The following DLG2 variants were observed in gnomAD, a reference collection of about 807,000 sequenced individuals.
The protein encoded by DLG2 is disks large homolog 2.
A neutral mutation model predicts 132.5 loss-of-function variants in DLG2; 45 were observed. The observed-to-expected ratio is 0.34, with a 90% CI of 0.27 to 0.44. DLG2 has a LOEUF of 0.44. Ranked by LOEUF, DLG2 falls within the 20% of genes least tolerant of loss-of-function variation. The pLI, the probability that DLG2 is intolerant of heterozygous loss-of-function variation, is 1.00. For synonymous variants in DLG2, 424 were observed against 419.6 expected, an observed-to-expected ratio of 1.01 and a Z score of -0.13; for missense variants, 1,045 against 1,196.9, an observed-to-expected ratio of 0.87 and a Z score of 1.87.
chr11:84,253,061 T>C (rs1011290272), intron 7 of DLG2, among the ~76,000 whole-genome samples: 1 of 152,164 alleles, frequency 6.6e-6, no homozygotes, highest in Admixed American at 6.5e-5. Context: ...GGCATACATA[T>C]GTATATAATG....
At position 85,388,477 on chromosome 11, in the gene DLG2, C is replaced by T. The variant is rs373190469; in HGVS notation, c.41-103112G>A. On this transcript the variant is annotated intron_variant, in intron 3 of 27. Coordinates refer to ENST00000376104, the MANE Select transcript of DLG2 (RefSeq NM_001142699.3). Reference sequence around the variant, plus strand: ...GGCTACCCTAGGAAAAGCTTGTGTCCTCCCTATATAATCACAGCTGATATG... The same window carrying T: ...GGCTACCCTAGGAAAAGCTTGTGTCTTCCCTATATAATCACAGCTGATATG... Among the ~76,000 whole-genome samples the T allele has an allele frequency of 1.0e-3, 157 of 152,238 alleles. 1 individual carries two copies. The South Asian group carries it at 0.014, about 14-fold the overall frequency.
intron 7 of DLG2, among the ~76,000 whole-genome samples, chr11:84,433,639 AG>A (rs1456291724): frequency 6.6e-6 from 1 of 152,256 alleles, no homozygotes; most frequent in Non-Finnish European, 1.5e-5. Context: ...TAGCTTATTT[AG>A]AAAAATGTCA....
At chr11:85,069,845 C>A (rs571420359) in intron 6 of DLG2, among the ~76,000 whole-genome samples, 52 of 152,226 alleles carry the variant, frequency 3.4e-4, no homozygotes, top group African/African-American at 1.2e-3. Context: ...TATAAAGACA[C>A]GTGCACACGT....
intron 19 of DLG2, among the ~76,000 whole-genome samples, chr11:83,617,417 GTT>G (rs2060991216): frequency 6.6e-6 from 1 of 151,910 alleles, no homozygotes; most frequent in Non-Finnish European, 1.5e-5. Context: ...GATATGTTTA[GTT>G]TTCTTATTGT....
chr11:83,858,255 T>C (rs1434488435), intron 16 of DLG2, among the ~76,000 whole-genome samples: 3 of 152,096 alleles, frequency 2.0e-5, no homozygotes, highest in Non-Finnish European at 4.4e-5. Flanking sequence ...ACAAGAAAAA[T>C]GGCTTCTTGG....
intron 3 of DLG2, among the ~76,000 whole-genome samples, chr11:85,332,798 T>G (rs888099856): frequency 2.0e-5 from 3 of 152,154 alleles, no homozygotes; most frequent in South Asian, 2.1e-4. Context: ...TTCTCTAACT[T>G]GCTCCATTGG....
chr11:85,414,854 C>T (rs1399138357), intron 3 of DLG2, among the ~76,000 whole-genome samples: 2 of 151,530 alleles, frequency 1.3e-5, no homozygotes, highest in Non-Finnish European at 3.0e-5. Flanking sequence ...TATAATGTCC[C>T]TCTTTCTCTT....
At chr11:84,559,472 G>A (rs142822697) in intron 6 of DLG2, among the ~76,000 whole-genome samples, 314 of 152,222 alleles carry the variant, frequency 2.1e-3, no homozygotes, top group African/African-American at 7.3e-3. Flanking sequence ...CTGTTGGCAC[G>A]AGAAGTTTCC....
chr11:84,365,722 C>G (rs1295938148), intron 7 of DLG2, among the ~76,000 whole-genome samples: 2 of 151,852 alleles, frequency 1.3e-5, no homozygotes, highest in South Asian at 4.1e-4. Flanking sequence ...TCTTTGTTCT[C>G]TTTGGTTTCA....
At chr11:84,817,349 C>T (rs889321667) in intron 6 of DLG2, among the ~76,000 whole-genome samples, 1 of 151,948 alleles carries the variant, frequency 6.6e-6, no homozygotes, top group Non-Finnish European at 1.5e-5. Flanking sequence ...TGTCTGTACA[C>T]CAAGGACCTA....
chr11:84,388,953 T>C (rs925361670), intron 7 of DLG2, among the ~76,000 whole-genome samples: 2 of 152,122 alleles, frequency 1.3e-5, no homozygotes, highest in Non-Finnish European at 1.5e-5. Flanking sequence ...AGCTTAGAGA[T>C]TGAGTTTGCT....
At chr11:85,082,995 T>C (rs914778118) in intron 6 of DLG2, among the ~76,000 whole-genome samples, 1 of 152,100 alleles carries the variant, frequency 6.6e-6, no homozygotes, top group African/African-American at 2.4e-5. Flanking sequence ...AACCTCAATT[T>C]AGCCACTTAC....
chr11:84,612,888 G>A (rs2099597816), intron 6 of DLG2, among the ~76,000 whole-genome samples: 1 of 152,134 alleles, frequency 6.6e-6, no homozygotes, highest in Non-Finnish European at 1.5e-5. Context: ...GTGTGGCTGT[G>A]ATTTGAGTCC....
chr11:83,985,688 C>T (rs2093222915), intron 11 of DLG2, among the ~76,000 whole-genome samples: 1 of 152,222 alleles, frequency 6.6e-6, no homozygotes, highest in Admixed American at 6.5e-5. Flanking sequence ...GACATGATCT[C>T]ATTCCTTTTT....
At chr11:84,466,062 A>G (rs2099093600) in intron 7 of DLG2, among the ~76,000 whole-genome samples, 2 of 151,276 alleles carry the variant, frequency 1.3e-5, no homozygotes, top group Admixed American at 6.6e-5. Context: ...GATAAAGTTG[A>G]CATCTCAAAT....
At chr11:84,658,179 G>A (rs2099690445) in intron 6 of DLG2, among the ~76,000 whole-genome samples, 1 of 152,118 alleles carries the variant, frequency 6.6e-6, no homozygotes, top group Non-Finnish European at 1.5e-5. Context: ...ATTTTGAAAT[G>A]CCATCTTGGA....
intron 19 of DLG2, among the ~76,000 whole-genome samples, chr11:83,546,086 A>G (rs1298087666): frequency 6.6e-6 from 1 of 151,798 alleles, no homozygotes; most frequent in Non-Finnish European, 1.5e-5. Flanking sequence ...CATCCCTCCT[A>G]CCCCTCCTGA....
At chr11:83,470,964 C>T (rs909369949) in intron 24 of DLG2, among the ~76,000 whole-genome samples, 9 of 150,344 alleles carry the variant, frequency 6.0e-5, no homozygotes, top group East Asian at 2.0e-4. Flanking sequence ...GGGGTGTAGA[C>T]GGGGTGAATG....
At chr11:85,341,894 C>T (rs536628275) in intron 3 of DLG2, among the ~76,000 whole-genome samples, 57 of 151,978 alleles carry the variant, frequency 3.8e-4, no homozygotes, top group African/African-American at 1.3e-3. Context: ...AATTATAGAA[C>T]AATTATAAGT....
Sources: allele counts gnomAD v4.1 joint callset (sites outside exome capture counted in the v4.1 genomes callset), GRCh38; gene constraint gnomAD v4.1.1; transcripts MANE v1.5; gene names NCBI Gene and HGNC (gene_info 2026-07-23, HGNC 2026-07-21).